BRINP1: variants seen among roughly 807,000 people sequenced by gnomAD.
The protein encoded by BRINP1 is BMP/retinoic acid inducible neural specific 1.
Under a neutral mutation model 72.9 loss-of-function variants are expected in BRINP1, and 17 were observed. The ratio of observed to expected loss-of-function variants is 0.23; its 90% CI spans 0.16 to 0.35. The LOEUF is 0.35. BRINP1 is among the 10% of genes least tolerant of loss of function. The probability of loss-of-function intolerance (pLI) is 1.00; values close to 1 mark genes in which losing one functional copy is unlikely to be tolerated. For missense variants in BRINP1, 850 were observed against 1,001.6 expected, an observed-to-expected ratio of 0.85 and a Z score of 2.04; for synonymous variants, 418 against 378.5, an observed-to-expected ratio of 1.10 and a Z score of -1.21.
At chr9:119,252,263 A>T (rs1830397653) in intron 2 of BRINP1, among the ~76,000 whole-genome samples, 1 of 152,094 alleles carries the variant, frequency 6.6e-6, no homozygotes, top group Admixed American at 6.5e-5. Flanking sequence ...ACCCTTCCCA[A>T]GCTAGCCTTG....
intron 1 of BRINP1, among the ~76,000 whole-genome samples, chr9:119,346,767 G>A (rs1831456764): frequency 6.6e-6 from 1 of 150,476 alleles, no homozygotes; most frequent in Non-Finnish European, 1.5e-5. Flanking sequence ...TGATTCTATG[G>A]TGTTTCCTTC....
chr9:119,197,032 T>C (rs1478190724), intron 7 of BRINP1, among the ~76,000 whole-genome samples: 2 of 152,200 alleles, frequency 1.3e-5, no homozygotes, highest in African/African-American at 2.4e-5. Context: ...TGAGGAAACA[T>C]TGGTTAGCAA....
At chr9:119,343,255 C>T (rs1001938778) in intron 1 of BRINP1, among the ~76,000 whole-genome samples, 2 of 152,156 alleles carry the variant, frequency 1.3e-5, no homozygotes, top group African/African-American at 4.8e-5. Flanking sequence ...CTCCGCACTG[C>T]CTACGGGGAA....
intron 5 of BRINP1, among the ~76,000 whole-genome samples, chr9:119,222,550 T>C (rs1830050430): frequency 6.6e-6 from 1 of 152,056 alleles, no homozygotes. Context: ...GTTTATTCAT[T>C]TGTCAAGCAA....
Position 119,369,218 on chromosome 9 carries a change from C to A in BRINP1, c.-213G>T, listed in dbSNP as rs1031177583. The stretch of plus-strand genomic sequence containing the variant: ...TCCTAGCAGCCTGGCTCATACTCAG[C>A]CGTAAAGTCCCCTTCGCTGGTCCCG... On this transcript the variant is annotated 5_prime_UTR_variant, in exon 1 of 8. Transcript: ENST00000265922. 1 of 398,558 alleles carries A rather than the reference C, an allele frequency of 2.5e-6. No individual in the cohort carries two copies. Among genetic ancestry groups the A allele is most frequent in the Non-Finnish European group, 4.4e-6 (1 of 226,104 alleles). The allele number at this position is 398,558 out of a possible 1,614,324, so 24.7% of individuals were successfully genotyped here.
chr9:119,317,479 C>T (rs1831136570), intron 1 of BRINP1, among the ~76,000 whole-genome samples: 1 of 152,144 alleles, frequency 6.6e-6, no homozygotes, highest in Admixed American at 6.5e-5. Flanking sequence ...GCAAAGAAAG[C>T]AGTTTCTCAA....
chr9:119,367,659 C>T (rs768002035), intron 1 of BRINP1, among the ~76,000 whole-genome samples: 126 of 152,270 alleles, frequency 8.3e-4, no homozygotes, highest in Non-Finnish European at 1.6e-3. Context: ...GCTGAGATTC[C>T]TCCACCGCCC....
intron 1 of BRINP1, among the ~76,000 whole-genome samples, chr9:119,332,078 C>T (rs1268685867): frequency 2.0e-5 from 3 of 152,122 alleles, no homozygotes; most frequent in East Asian, 1.9e-4. Context: ...GAACCAGGGT[C>T]CTTCCTGTTA....
At chr9:119,279,388 C>G (rs780685487) in intron 2 of BRINP1, among the ~76,000 whole-genome samples, 2 of 152,226 alleles carry the variant, frequency 1.3e-5, no homozygotes, top group Non-Finnish European at 2.9e-5. Context: ...TGAGGTGTCT[C>G]CAGATCATCC....
rs193106074 is a variant in BRINP1 at position 119,286,529 on chromosome 9, C to T, written c.218+26609G>A. Reference sequence around the variant, plus strand: ...GATTAAAGGCGTGAGCCACTGCGCCCGGCCATCGCCATCATCATTTTTAAC... The same window carrying T: ...GATTAAAGGCGTGAGCCACTGCGCCTGGCCATCGCCATCATCATTTTTAAC... On this transcript the variant is annotated intron_variant, in intron 2 of 7. Coordinates refer to ENST00000265922, the MANE Select transcript of BRINP1 (RefSeq NM_014618.3). Among the ~76,000 whole-genome samples the T allele has an allele frequency of 2.2e-3, 335 of 152,318 alleles. 2 individuals carry two copies. The highest frequency in any genetic ancestry group is 0.01 in the Middle Eastern group (3 of 294).
rs78552355 is a variant in BRINP1 at position 119,308,054 on chromosome 9, T to C, written c.218+5084A>G. The stretch of plus-strand genomic sequence containing the variant: ...TAAGCATCAGTTGGAATAATTTCTA[T>C]ACCAGATAAAGTACAATGCTAATCA... On this transcript the variant is annotated intron_variant, in intron 2 of 7. Transcript: ENST00000265922. Among the ~76,000 whole-genome samples, 26 of 152,334 alleles carry C rather than the reference T, an allele frequency of 1.7e-4. No individual in the cohort carries two copies. In the East Asian group the frequency reaches 2.9e-3, roughly 17 times the overall value.
intron 2 of BRINP1, among the ~76,000 whole-genome samples, chr9:119,278,547 A>G (rs1373612532): frequency 1.3e-5 from 2 of 152,214 alleles, no homozygotes; most frequent in Non-Finnish European, 2.9e-5. Flanking sequence ...ATGCCCTGTA[A>G]GAAGTGAGTA....
In BRINP1 at chr9:119,166,901, G is replaced by C. The variant is rs1480357974; in HGVS notation, c.*183C>G. The C allele has an allele frequency of 3.1e-6, 2 of 642,564 alleles. No individual in the cohort carries two copies. Among genetic ancestry groups the C allele is most frequent in the Non-Finnish European group, 5.2e-6 (2 of 383,850 alleles). The allele number at this position is 642,564 out of a possible 1,614,324, so 39.8% of individuals were successfully genotyped here. On this transcript the variant is annotated 3_prime_UTR_variant, in exon 8 of 8. Transcript: ENST00000265922. Reference sequence around the variant, plus strand: ...GAGTGAGTATAGAAATAACAAACATGCCCAACGCTTTTATACAGTTGCTAG... The same window carrying C: ...GAGTGAGTATAGAAATAACAAACATCCCCAACGCTTTTATACAGTTGCTAG...
chr9:119,344,819 G>C (rs757480185), intron 1 of BRINP1, among the ~76,000 whole-genome samples: 2 of 152,164 alleles, frequency 1.3e-5, no homozygotes, highest in African/African-American at 4.8e-5. Flanking sequence ...GCTCATGCCT[G>C]ATATCTTTTT....
intron 2 of BRINP1, among the ~76,000 whole-genome samples, chr9:119,252,876 TCA>T (rs1830407799): frequency 6.6e-6 from 1 of 152,182 alleles, no homozygotes; most frequent in South Asian, 2.1e-4. Flanking sequence ...GAAACAGCCA[TCA>T]CAGTCTTTGA....
chr9:119,187,791 G>A (rs1564212639), intron 7 of BRINP1, among the ~76,000 whole-genome samples: 1 of 152,028 alleles, frequency 6.6e-6, no homozygotes. Context: ...TGAGATACAA[G>A]GGAATATCGA....
chr9:119,177,027 G>C (rs533372016), intron 7 of BRINP1, among the ~76,000 whole-genome samples: 12 of 152,202 alleles, frequency 7.9e-5, no homozygotes, highest in African/African-American at 2.6e-4. Context: ...TCCCCTCCAG[G>C]CTCTTAGGCT....
chr9:119,320,074 G>GT (rs141873653), intron 1 of BRINP1, among the ~76,000 whole-genome samples: 1,858 of 152,320 alleles, frequency 0.012, 29 homozygotes, highest in African/African-American at 0.042. Context: ...TAGTACTTGA[G>GT]AAGGGTTTCA....
At position 119,168,199 on chromosome 9, in the gene BRINP1, C is replaced by T; in HGVS notation, c.1171G>A (p.Val391Ile). ...TCATTACAGTAGAGGAGTGACTGGA[C>T]CCTTGCAAGCCACTGCTGAATTGTC... ...ERTIQQWLAR[V>I]QSLLYCNENG... The change falls in exon 8 of 8, where the codon GTC (valine) becomes ATC (isoleucine). Residue 391 changes from valine (V) to isoleucine (I), a missense_variant. Coordinates refer to ENST00000265922, the MANE Select transcript of BRINP1 (RefSeq NM_014618.3). 6.6e-7 allele frequency: 1 copy of T among 1,521,698 alleles called. No homozygotes were observed. Among genetic ancestry groups the T allele is most frequent in the Non-Finnish European group, 8.8e-7 (1 of 1,135,806 alleles). 94.3% of individuals were successfully genotyped at this position (1,521,698 alleles called of 1,614,324 possible).
Sources: allele counts gnomAD v4.1 joint callset (sites outside exome capture counted in the v4.1 genomes callset), GRCh38; gene constraint gnomAD v4.1.1; transcripts MANE v1.5; gene names NCBI Gene and HGNC (gene_info 2026-07-23, HGNC 2026-07-21).